The following PALM2AKAP2 variants were observed in gnomAD, a reference collection of about 807,000 sequenced individuals.
The protein encoded by PALM2AKAP2 is PALM2 and AKAP2 fusion, also known as PALM2-AKAP2 fusion protein.
PALM2AKAP2 carries 37 observed loss-of-function variants against 71.5 expected under a neutral mutation model. The observed-to-expected ratio is 0.52, with a 90% CI of 0.40 to 0.68. PALM2AKAP2 has a LOEUF of 0.68. PALM2AKAP2 is among the 30% of genes least tolerant of loss of function. PALM2AKAP2 has a pLI of 0.00. For missense variants in PALM2AKAP2, 1,224 were observed against 1,191.8 expected (o/e 1.03, Z -0.40); for synonymous variants, 468 against 478.8 (o/e 0.98, Z 0.29).
rs140551276 is a variant in PALM2AKAP2, at chr9:109,840,329, C to G, written c.46-27162C>G. 7.2e-3 allele frequency among the ~76,000 whole-genome samples: 1,092 copies of G among 152,298 alleles called. 6 individuals are homozygous for G. Among genetic ancestry groups the G allele is most frequent in the Middle Eastern group, 0.044 (13 of 294 alleles). Reference sequence around the variant, plus strand: ...GCTAGCCATATGTAGAAAGCTGAAACTGGATCCCTTCCTTACACCTTATAC... The same window carrying G: ...GCTAGCCATATGTAGAAAGCTGAAAGTGGATCCCTTCCTTACACCTTATAC... On this transcript the variant is annotated intron_variant, in intron 1 of 9. Coordinates refer to the PALM2AKAP2 transcript ENST00000302798.
At chr9:109,806,287 G>A (rs2131418981) in intron 1 of PALM2AKAP2, among the ~76,000 whole-genome samples, 1 of 152,290 alleles carries the variant, frequency 6.6e-6, no homozygotes, top group Non-Finnish European at 1.5e-5. Context: ...CATTTTATCT[G>A]AACTCCAGCT....
chr9:109,988,096 T>C (rs1486721336), intron 6 of PALM2AKAP2, among the ~76,000 whole-genome samples: 1 of 152,238 alleles, frequency 6.6e-6, no homozygotes, highest in Non-Finnish European at 1.5e-5. Flanking sequence ...TAGGTTATTA[T>C]TATCTCAAGA....
chr9:109,674,722 G>A (rs1296009154), intron 1 of PALM2AKAP2, among the ~76,000 whole-genome samples: 1 of 151,908 alleles, frequency 6.6e-6, no homozygotes, highest in East Asian at 1.9e-4. Flanking sequence ...TTCCATTTAG[G>A]CCCTAGGCTT....
At chr9:109,807,103 C>T (rs534756792) in intron 1 of PALM2AKAP2, among the ~76,000 whole-genome samples, 20 of 150,888 alleles carry the variant, frequency 1.3e-4, no homozygotes, top group Admixed American at 2.6e-4. Flanking sequence ...TAGTATAGTT[C>T]AGGGGATTTT....
At chr9:109,975,308 A>C (rs1832152410) in intron 6 of PALM2AKAP2, among the ~76,000 whole-genome samples, 1 of 152,188 alleles carries the variant, frequency 6.6e-6, no homozygotes. Context: ...ATCCAGGTCC[A>C]ATGGTCCAAG....
chr9:110,036,764 A>G (rs1291465535), intron 7 of PALM2AKAP2, among the ~76,000 whole-genome samples: 2 of 152,042 alleles, frequency 1.3e-5, no homozygotes, highest in Non-Finnish European at 2.9e-5. Flanking sequence ...CTCCTTTCTC[A>G]GCTCTGAAGT....
chr9:109,947,193 C>A (rs955845429), intron 6 of PALM2AKAP2, among the ~76,000 whole-genome samples: 1 of 152,152 alleles, frequency 6.6e-6, no homozygotes, highest in Admixed American at 6.5e-5. Flanking sequence ...TGATTTGGTT[C>A]CTTTCCAAAA....
rs374222940 is a variant in PALM2AKAP2 at position 109,943,477 on chromosome 9, C to T, written c.496+11449C>T. 2.1e-5 allele frequency: 32 copies of T among 1,538,310 alleles called. No homozygotes were observed. In the African/African-American group the frequency reaches 2.2e-4, roughly 11 times the overall value. On this transcript the variant is annotated intron_variant, in intron 6 of 9. Transcript: ENST00000302798. ...GGCAGCCTGTACTCTCCACCACTCA[C>T]GTAGACCTCACTGTACCACTAACTG... is the stretch of plus-strand genomic sequence containing the variant.
chr9:109,673,012 G>A (rs970939393), intron 1 of PALM2AKAP2, among the ~76,000 whole-genome samples: 1 of 151,790 alleles, frequency 6.6e-6, no homozygotes, highest in Non-Finnish European at 1.5e-5. Flanking sequence ...AGTCTAGCTA[G>A]CAGTCTATCT....
At chr9:109,978,558 CCTT>C (rs1391376977) in intron 6 of PALM2AKAP2, among the ~76,000 whole-genome samples, 1 of 152,330 alleles carries the variant, frequency 6.6e-6, no homozygotes, top group East Asian at 1.9e-4. Context: ...TCCCCATCCT[CCTT>C]ATGTTGCCTG....
At chr9:109,646,156 T>C (rs1827150467) in intron 1 of PALM2AKAP2, among the ~76,000 whole-genome samples, 1 of 152,194 alleles carries the variant, frequency 6.6e-6, no homozygotes, top group African/African-American at 2.4e-5. Context: ...AGGGTTGGTG[T>C]CATGTTCTGT....
intron 3 of PALM2AKAP2, among the ~76,000 whole-genome samples, chr9:109,913,516 G>A (rs914072341): frequency 1.3e-5 from 2 of 152,148 alleles, no homozygotes; most frequent in Admixed American, 1.3e-4. Context: ...ATTTACAGGC[G>A]TTGATTAGCA....
chr9:109,852,086 T>C (rs761932869), intron 1 of PALM2AKAP2, among the ~76,000 whole-genome samples: 1 of 150,504 alleles, frequency 6.6e-6, no homozygotes, highest in Non-Finnish European at 1.5e-5. Flanking sequence ...AAAAAAAAAA[T>C]AATTAAAGAA....
At chr9:110,163,852 C>T (rs774004547) in intron 3 of PALM2AKAP2, among the ~76,000 whole-genome samples, 3 of 152,020 alleles carry the variant, frequency 2.0e-5, no homozygotes, top group African/African-American at 4.8e-5. Context: ...TGTTATTATA[C>T]ATGTCTCTTT....
Position 109,754,243 on chromosome 9 carries a change from A to G in PALM2AKAP2, c.6-26245A>G, listed in dbSNP as rs549517769. On this transcript the variant is annotated intron_variant, in intron 1 of 6. Coordinates refer to the PALM2AKAP2 transcript ENST00000374531. ...CCAGTTAAGCTACTTCTCTAAGATC[A>G]CATTAGTTAGGAAATGAGCAGGACT... Among the ~76,000 whole-genome samples the G allele has an allele frequency of 3.9e-5, 6 of 152,306 alleles. No homozygotes were observed. The South Asian group carries it at 1.2e-3, about 32-fold the overall frequency.
At chr9:109,809,595 T>C (rs527605619) in intron 1 of PALM2AKAP2, among the ~76,000 whole-genome samples, 1 of 152,330 alleles carries the variant, frequency 6.6e-6, no homozygotes, top group South Asian at 2.1e-4. Flanking sequence ...CTTTGGACTG[T>C]GGACTTTTGA....
chr9:109,676,022 G>A (rs999030569), intron 1 of PALM2AKAP2, among the ~76,000 whole-genome samples: 3 of 152,104 alleles, frequency 2.0e-5, no homozygotes, highest in African/African-American at 7.2e-5. Flanking sequence ...ATCCCAAATT[G>A]AGACAAATGA....
At chr9:109,956,020 T>C (rs1831740409) in intron 6 of PALM2AKAP2, among the ~76,000 whole-genome samples, 1 of 151,908 alleles carries the variant, frequency 6.6e-6, no homozygotes, top group Non-Finnish European at 1.5e-5. Context: ...ATTTTTTTTT[T>C]TTTTGAGACA....
At chr9:109,780,371 C>T (rs1206648061), upstream of PALM2AKAP2, 14 of 1,595,628 alleles carry the variant, frequency 8.8e-6, no homozygotes, top group African/African-American at 1.3e-5. Flanking sequence ...CCCCAGCCGT[C>T]CCTGGGCGTT....
Sources: gnomAD v4.1 joint callset for allele counts (sites outside exome capture counted in the v4.1 genomes callset) on GRCh38, gnomAD v4.1.1 for gene constraint, MANE v1.5 for transcripts, NCBI Gene and HGNC (gene_info 2026-07-23, HGNC 2026-07-21) for gene names.